Variants in TBC1D19 observed in about 807,000 individuals in gnomAD.
TBC1D19 encodes the protein TBC1 domain family member 19.
TBC1D19 carries 60 observed loss-of-function variants against 89.0 expected under a neutral mutation model. The observed-to-expected ratio is 0.67, with a 90% CI of 0.55 to 0.84. The LOEUF (loss-of-function observed/expected upper bound fraction) is 0.84. Ranked by LOEUF, TBC1D19 falls within the 40% of genes least tolerant of loss-of-function variation. TBC1D19 has a pLI of 0.00. For synonymous variants in TBC1D19, 189 were observed against 199.7 expected, an observed-to-expected ratio of 0.95 and a Z score of 0.45; for missense variants, 500 against 610.8, an observed-to-expected ratio of 0.82 and a Z score of 1.91.
intron 18 of TBC1D19, among the ~76,000 whole-genome samples, chr4:26,744,896 T>G (rs544312364): frequency 6.6e-6 from 1 of 152,328 alleles, no homozygotes; most frequent in African/African-American, 2.4e-5. Context: ...ATAATGATGT[T>G]CAAACCTTGT....
Position 26,735,438 on chromosome 4 carries a change from TA to T in TBC1D19, c.1085-16del, listed in dbSNP as rs1411623121. 1.4e-6 allele frequency: 2 copies of T among 1,397,634 alleles called. No individual in the cohort carries two copies. Among genetic ancestry groups the T allele is most frequent in the Non-Finnish European group, 1.9e-6 (2 of 1,064,216 alleles). The allele number at this position is 1,397,634 out of a possible 1,614,324, so 86.6% of individuals were successfully genotyped here. A position where few individuals can be genotyped will look rare whatever the true frequency, so the allele number is the denominator to read the frequency against. On this transcript the variant is annotated splice_polypyrimidine_tract_variant and intron_variant, in intron 15 of 20. Transcript: ENST00000264866. The stretch of plus-strand genomic sequence containing the variant: ...AGGCCTACTACTTATTGAAAAGAAA[TA>T]CCTTTTTTTTTTTAGGTGTTATCCC...
chr4:26,779,182 A>G, the TBC1D19 span, among the ~76,000 whole-genome samples: 1 of 152,148 alleles, frequency 6.6e-6, no homozygotes, highest in African/African-American at 2.4e-5. Flanking sequence ...CTGCTCCTAA[A>G]AGTTTCTGGA....
the TBC1D19 span, among the ~76,000 whole-genome samples, chr4:26,857,316 G>T: frequency 6.6e-6 from 1 of 152,164 alleles, no homozygotes; most frequent in Non-Finnish European, 1.5e-5. Context: ...CGTTTCCACC[G>T]AAGGCAGCTC....
chr4:26,764,638 C>T, the TBC1D19 span, among the ~76,000 whole-genome samples: 1 of 152,130 alleles, frequency 6.6e-6, no homozygotes. Flanking sequence ...GTTTATTGGA[C>T]TCCAAATCTC....
the TBC1D19 span, among the ~76,000 whole-genome samples, chr4:26,767,946 G>A: frequency 3.3e-5 from 5 of 152,126 alleles, no homozygotes; most frequent in Non-Finnish European, 7.4e-5. Flanking sequence ...AGGAACCCAG[G>A]AGGAACCTGG....
the TBC1D19 span, among the ~76,000 whole-genome samples, chr4:26,774,105 G>C: frequency 1.5e-4 from 23 of 152,268 alleles, no homozygotes; most frequent in African/African-American, 4.3e-4. Context: ...TAATACACCA[G>C]GAGCCTTTTG....
intron 13 of TBC1D19, among the ~76,000 whole-genome samples, chr4:26,696,903 G>A (rs183409544): frequency 0.012 from 1,890 of 152,250 alleles, 34 homozygotes; most frequent in African/African-American, 0.042. Context: ...ACAAGACAAA[G>A]CAGGAAAGAT....
chr4:26,832,326 C>T, the TBC1D19 span, among the ~76,000 whole-genome samples: 34 of 152,170 alleles, frequency 2.2e-4, no homozygotes, highest in African/African-American at 7.7e-4. Context: ...TTCTGGAAAC[C>T]GGATACCTTT....
At chr4:26,638,333 A>G (rs1422157334) in intron 5 of TBC1D19, among the ~76,000 whole-genome samples, 1 of 151,854 alleles carries the variant, frequency 6.6e-6, no homozygotes, top group East Asian at 1.9e-4. Context: ...CATTTATATT[A>G]AAAACTGTCT....
At chr4:26,771,588 A>G in the TBC1D19 span, among the ~76,000 whole-genome samples, 1 of 152,212 alleles carries the variant, frequency 6.6e-6, no homozygotes, top group African/African-American at 2.4e-5. Flanking sequence ...ATACTGCATG[A>G]TTCCACTTAT....
At chr4:26,650,965 A>G (rs899131341) in intron 7 of TBC1D19, among the ~76,000 whole-genome samples, 7 of 152,188 alleles carry the variant, frequency 4.6e-5, no homozygotes, top group Non-Finnish European at 1.0e-4. Flanking sequence ...CCATTTATTA[A>G]ATAGGGAATC....
chr4:26,582,387 T>A (rs1410881560), upstream of TBC1D19, among the ~76,000 whole-genome samples: 1 of 152,172 alleles, frequency 6.6e-6, no homozygotes, highest in Non-Finnish European at 1.5e-5. Flanking sequence ...CTCCAGGCAC[T>A]ATCTATGCCT....
intron 15 of TBC1D19, among the ~76,000 whole-genome samples, chr4:26,726,236 G>A (rs564018095): frequency 6.6e-6 from 1 of 151,928 alleles, no homozygotes; most frequent in African/African-American, 2.4e-5. Flanking sequence ...AGGGGAGAGG[G>A]ATGCTGATAA....
the TBC1D19 span, among the ~76,000 whole-genome samples, chr4:26,850,432 C>T: frequency 8.1e-5 from 12 of 148,876 alleles, no homozygotes; most frequent in Admixed American, 2.0e-4. Flanking sequence ...CCTGTAGTCC[C>T]GGCTACTTGG....
intron 13 of TBC1D19, among the ~76,000 whole-genome samples, chr4:26,709,857 T>C (rs930539450): frequency 2.4e-4 from 37 of 151,876 alleles, no homozygotes; most frequent in African/African-American, 7.5e-4. Context: ...TATAGATGAT[T>C]CTTACAACAA....
At chr4:26,846,097 TA>T in the TBC1D19 span, among the ~76,000 whole-genome samples, 1 of 152,234 alleles carries the variant, frequency 6.6e-6, no homozygotes, top group Non-Finnish European at 1.5e-5. Context: ...TATTCCTTTT[TA>T]AGACTGAATA....
chr4:26,660,080 G>A (rs1247643804), intron 8 of TBC1D19, among the ~76,000 whole-genome samples: 1 of 152,080 alleles, frequency 6.6e-6, no homozygotes, highest in East Asian at 1.9e-4. Context: ...AAACTTTTAT[G>A]GAGCTTGTAA....
chr4:26,807,012 T>C, the TBC1D19 span, among the ~76,000 whole-genome samples: 1 of 152,194 alleles, frequency 6.6e-6, no homozygotes. Flanking sequence ...AGGAAACTAA[T>C]ATAACACTCA....
chr4:26,819,594 C>T, the TBC1D19 span, among the ~76,000 whole-genome samples: 1 of 152,212 alleles, frequency 6.6e-6, no homozygotes, highest in Non-Finnish European at 1.5e-5. Context: ...GGCTTCCCTG[C>T]CTCTGCTCTT....
Sources: gnomAD v4.1 joint callset for allele counts (sites outside exome capture counted in the v4.1 genomes callset) on GRCh38, gnomAD v4.1.1 for gene constraint, MANE v1.5 for transcripts, NCBI Gene and HGNC (gene_info 2026-07-23, HGNC 2026-07-21) for gene names.